Variants in PLPPR5 observed in about 807,000 individuals in gnomAD.
PLPPR5 encodes phospholipid phosphatase related 5.
Under a neutral mutation model 33.9 loss-of-function variants are expected in PLPPR5, and 16 were observed. The observed-to-expected ratio is 0.47, with a 90% CI of 0.32 to 0.72. The LOEUF (loss-of-function observed/expected upper bound fraction) is 0.72, where lower values mean the gene tolerates loss of function less well. Ranked by LOEUF, PLPPR5 falls within the 30% of genes least tolerant of loss-of-function variation. The probability of loss-of-function intolerance (pLI) is 0.03; values close to 1 mark genes in which losing one functional copy is unlikely to be tolerated. For synonymous variants in PLPPR5, 163 were observed against 150.3 expected (o/e 1.08, Z -0.62); for missense variants, 301 against 406.7 (o/e 0.74, Z 2.23).
chr1:98,893,030 A>T lies in PLPPR5; in HGVS notation c.*42T>A, dbSNP rs1648332880. On this transcript the variant is annotated 3_prime_UTR_variant, in exon 6 of 6. Transcript: ENST00000263177. Reference sequence around the variant, plus strand: ...TGGGTGTTATGAATGGATGGTAAAAAGGGATGATGTCCAATGCAGTGAAAA... The same window carrying T: ...TGGGTGTTATGAATGGATGGTAAAATGGGATGATGTCCAATGCAGTGAAAA... 3.1e-6 allele frequency: 5 copies of T among 1,597,336 alleles called. No individual in the cohort carries two copies. The Admixed American group carries it at 6.8e-5, about 22-fold the overall frequency.
At chr1:98,969,726 C>CTCCT (rs3077539) in intron 1 of PLPPR5, among the ~76,000 whole-genome samples, 34 of 149,884 alleles carry the variant, frequency 2.3e-4, no homozygotes, top group South Asian at 8.4e-4. Context: ...ACCTCTTTTT[C>CTCCT]TCCTTCCTTC....
At chr1:99,001,870 T>C (rs1225112647) in intron 1 of PLPPR5, among the ~76,000 whole-genome samples, 2 of 151,602 alleles carry the variant, frequency 1.3e-5, no homozygotes, top group East Asian at 3.9e-4. Flanking sequence ...TTCTTAGCCT[T>C]GGTCCTTGGA....
chr1:98,968,747 A>G (rs1168260800), intron 1 of PLPPR5, among the ~76,000 whole-genome samples: 1 of 152,070 alleles, frequency 6.6e-6, no homozygotes. Flanking sequence ...AAAAATGTAA[A>G]AAGATTCATA....
chr1:98,964,406 C>T (rs760724057), intron 1 of PLPPR5, among the ~76,000 whole-genome samples: 9 of 152,248 alleles, frequency 5.9e-5, no homozygotes, highest in South Asian at 2.1e-4. Flanking sequence ...GAAGGATCAA[C>T]GGGCCTCCCA....
At chr1:98,922,909 C>T (rs1187134487) in intron 3 of PLPPR5, among the ~76,000 whole-genome samples, 1 of 151,934 alleles carries the variant, frequency 6.6e-6, no homozygotes, top group Admixed American at 6.6e-5. Context: ...GGCATGAACC[C>T]AGAAGGCGGA....
chr1:98,947,464 T>C (rs1413184998), intron 3 of PLPPR5, among the ~76,000 whole-genome samples: 1 of 152,224 alleles, frequency 6.6e-6, no homozygotes, highest in Non-Finnish European at 1.5e-5. Context: ...TAACTGTTTA[T>C]TATCATCCAA....
chr1:98,900,607 T>C (rs1871786), intron 5 of PLPPR5, among the ~76,000 whole-genome samples: 85,516 of 152,018 alleles, frequency 0.56, 24,770 homozygotes, highest in East Asian at 0.74. Context: ...CCTTGTTTTA[T>C]ATACTAATAC....
At chr1:98,895,654 T>C (rs1304355288) in intron 5 of PLPPR5, among the ~76,000 whole-genome samples, 1 of 152,102 alleles carries the variant, frequency 6.6e-6, no homozygotes, top group Non-Finnish European at 1.5e-5. Context: ...AGATTGACTA[T>C]ATTTTTAGAT....
intron 5 of PLPPR5, among the ~76,000 whole-genome samples, chr1:98,894,177 A>C (rs796436481): frequency 7.4e-4 from 112 of 152,156 alleles, no homozygotes; most frequent in African/African-American, 2.6e-3. Flanking sequence ...ATTAGTACGA[A>C]TCAGGAGTGA....
intron 5 of PLPPR5, among the ~76,000 whole-genome samples, chr1:98,904,808 A>G (rs1648836768): frequency 6.6e-6 from 1 of 152,180 alleles, no homozygotes; most frequent in South Asian, 2.1e-4. Flanking sequence ...ATCCGTGAAG[A>G]AAGAACAGGG....
rs1184448480 is a variant in PLPPR5 at position 98,982,261 on chromosome 1, T to C, written c.237+22174A>G. Among the ~76,000 whole-genome samples, 5 of 152,204 alleles carry C rather than the reference T, an allele frequency of 3.3e-5. No individual in the cohort carries two copies. In the South Asian group the frequency reaches 6.2e-4, roughly 19 times the overall value. ...TACTGGCGGTGTTAGGTAAAATTTA[T>C]AGGATGCCAATGGTTTGGACTGAGC... On this transcript the variant is annotated intron_variant, in intron 1 of 5. Transcript: ENST00000263177.
intron 3 of PLPPR5, among the ~76,000 whole-genome samples, chr1:98,941,001 A>T (rs1328593880): frequency 6.6e-6 from 1 of 151,780 alleles, no homozygotes; most frequent in Admixed American, 6.6e-5. Context: ...TGCTGATGAG[A>T]CACTCCAGAG....
At chr1:98,973,059 TC>T (rs1350281627) in intron 1 of PLPPR5, among the ~76,000 whole-genome samples, 1 of 152,024 alleles carries the variant, frequency 6.6e-6, no homozygotes, top group Admixed American at 6.6e-5. Context: ...GACACCTGGA[TC>T]TTTGACCTAT....
chr1:98,922,376 A>G (rs1329470), intron 3 of PLPPR5, among the ~76,000 whole-genome samples: 110,448 of 152,084 alleles, frequency 0.73, 40,470 homozygotes, highest in East Asian at 0.8. Context: ...TACTGTATCC[A>G]TTCTTGTTTT....
chr1:98,976,887 T>A (rs568367116), intron 1 of PLPPR5, among the ~76,000 whole-genome samples: 1 of 152,140 alleles, frequency 6.6e-6, no homozygotes, highest in African/African-American at 2.4e-5. Flanking sequence ...GTATCGTGTG[T>A]CCAGATTCTC....
chr1:98,964,804 C>T (rs1235347316), intron 1 of PLPPR5, among the ~76,000 whole-genome samples: 5 of 151,978 alleles, frequency 3.3e-5, no homozygotes, highest in Non-Finnish European at 5.9e-5. Flanking sequence ...GCTTTCACTG[C>T]TTTATTTATT....
intron 4 of PLPPR5, among the ~76,000 whole-genome samples, chr1:98,921,678 C>G (rs1187812303): frequency 6.6e-6 from 1 of 151,928 alleles, no homozygotes; most frequent in African/African-American, 2.4e-5. Context: ...GTATTTTTTT[C>G]ATCCCCAAAC....
chr1:98,953,436 A>C lies in PLPPR5; in HGVS notation c.371-116T>G. On this transcript the variant is annotated intron_variant, in intron 2 of 5. Coordinates refer to ENST00000263177, the MANE Select transcript of PLPPR5 (RefSeq NM_001037317.2). ...TAAACCAAAATGGAAATATTTTAGA[A>C]ACTATAAAATATTCCATGCATATAC... The C allele has an allele frequency of 2.9e-6, 4 of 1,399,448 alleles. No individual in the cohort carries two copies. In the South Asian group the frequency reaches 5.7e-5, roughly 20 times the overall value. 86.7% of individuals were successfully genotyped at this position (1,399,448 alleles called of 1,614,324 possible).
At chr1:98,986,856 G>A (rs182409649) in intron 1 of PLPPR5, among the ~76,000 whole-genome samples, 1 of 151,816 alleles carries the variant, frequency 6.6e-6, no homozygotes, top group East Asian at 1.9e-4. Flanking sequence ...ATAGTGAAAT[G>A]GGTGTTTTTT....
Sources: gnomAD v4.1 joint callset for allele counts (sites outside exome capture counted in the v4.1 genomes callset) on GRCh38, gnomAD v4.1.1 for gene constraint, MANE v1.5 for transcripts, NCBI Gene and HGNC (gene_info 2026-07-23, HGNC 2026-07-21) for gene names.